The following WWOX variants were observed in gnomAD, a reference collection of about 807,000 sequenced individuals.
The protein encoded by WWOX is WW domain-containing oxidoreductase.
A neutral mutation model predicts 46.2 loss-of-function variants in WWOX; 69 were observed. That is an observed-to-expected ratio of 1.49 (90% confidence interval 1.23 to 1.82). The LOEUF is 1.82. Ranked by LOEUF, WWOX falls within the 40% of genes most tolerant of loss-of-function variation. The pLI is 0.00. For synonymous variants in WWOX, 359 were observed against 202.6 expected, an observed-to-expected ratio of 1.77 and a Z score of -6.56; for missense variants, 919 against 542.6, an observed-to-expected ratio of 1.69 and a Z score of -6.89.
intron 8 of WWOX, among the ~76,000 whole-genome samples, chr16:79,177,452 G>A (rs575856442): frequency 6.6e-6 from 1 of 152,184 alleles, no homozygotes; most frequent in African/African-American, 2.4e-5. Flanking sequence ...AACCTCTTAT[G>A]GTCAGGCTCA....
intron 8 of WWOX, among the ~76,000 whole-genome samples, chr16:78,458,084 G>C (rs1401485004): frequency 2.0e-5 from 3 of 151,588 alleles, no homozygotes; most frequent in Non-Finnish European, 4.4e-5. Context: ...CCTGGGCTTA[G>C]TAAGTTGCCT....
chr16:79,056,808 T>A (rs886542586), intron 8 of WWOX, among the ~76,000 whole-genome samples: 3 of 152,232 alleles, frequency 2.0e-5, no homozygotes. Flanking sequence ...AACTTGATTT[T>A]CTTTAAAGGA....
At chr16:79,160,380 T>G (rs759283081) in intron 8 of WWOX, among the ~76,000 whole-genome samples, 13 of 152,134 alleles carry the variant, frequency 8.5e-5, no homozygotes, top group Non-Finnish European at 1.9e-4. Flanking sequence ...CTCCACCTAC[T>G]GTCACCTGCA....
chr16:78,524,396 ATTTATTTATTTG>A (rs199976319), intron 8 of WWOX, among the ~76,000 whole-genome samples: 12,681 of 145,810 alleles, frequency 0.087, 656 homozygotes, highest in East Asian at 0.19. Context: ...TCATTTATTT[ATTTATTTATTTG>A]TTTATTTATT....
intron 8 of WWOX, among the ~76,000 whole-genome samples, chr16:78,979,222 T>A (rs1308916383): frequency 1.3e-5 from 2 of 152,108 alleles, no homozygotes; most frequent in Non-Finnish European, 2.9e-5. Context: ...TAGAGAACAT[T>A]TGGAAAACAT....
intron 8 of WWOX, among the ~76,000 whole-genome samples, chr16:78,634,414 A>C (rs1326696993): frequency 6.6e-6 from 1 of 152,106 alleles, no homozygotes; most frequent in Non-Finnish European, 1.5e-5. Flanking sequence ...AGCTGTTCAA[A>C]GTTGTAGGGA....
At chr16:78,708,080 C>T (rs1423694839) in intron 8 of WWOX, among the ~76,000 whole-genome samples, 2 of 151,650 alleles carry the variant, frequency 1.3e-5, no homozygotes, top group African/African-American at 4.8e-5. Context: ...AATCCCAGCA[C>T]CTTGGGAGGC....
intron 8 of WWOX, among the ~76,000 whole-genome samples, chr16:78,657,969 C>T (rs981899854): frequency 1.3e-5 from 2 of 152,064 alleles, no homozygotes; most frequent in Non-Finnish European, 2.9e-5. Flanking sequence ...ACTCAGAGGC[C>T]AAGTGACTTT....
intron 8 of WWOX, among the ~76,000 whole-genome samples, chr16:79,151,999 C>A (rs1169560402): frequency 6.6e-6 from 1 of 152,140 alleles, no homozygotes; most frequent in African/African-American, 2.4e-5. Context: ...GAAGGGGGAA[C>A]TAGTTTTCAT....
chr16:78,559,374 G>C (rs1268636136), intron 8 of WWOX, among the ~76,000 whole-genome samples: 2 of 152,202 alleles, frequency 1.3e-5, no homozygotes, highest in Non-Finnish European at 2.9e-5. Flanking sequence ...CAGAGCCAGG[G>C]ATGGATATAG....
At chr16:78,538,613 C>A (rs1285455982) in intron 8 of WWOX, among the ~76,000 whole-genome samples, 2 of 152,190 alleles carry the variant, frequency 1.3e-5, no homozygotes, top group Non-Finnish European at 2.9e-5. Flanking sequence ...TGCAGTTTAT[C>A]ATTATATGCC....
At chr16:78,673,981 T>G (rs116059762) in intron 8 of WWOX, among the ~76,000 whole-genome samples, 62 of 152,240 alleles carry the variant, frequency 4.1e-4, no homozygotes, top group African/African-American at 1.5e-3. Flanking sequence ...AGTACTAGCT[T>G]GGAGAAGTTT....
At chr16:78,143,349 T>G (rs1477955578) in intron 4 of WWOX, among the ~76,000 whole-genome samples, 1 of 152,196 alleles carries the variant, frequency 6.6e-6, no homozygotes, top group African/African-American at 2.4e-5. Flanking sequence ...CTTCACGTCT[T>G]TAGTTCTTGT....
intron 5 of WWOX, among the ~76,000 whole-genome samples, chr16:78,211,799 C>T (rs1408074691): frequency 6.6e-6 from 1 of 152,102 alleles, no homozygotes; most frequent in Non-Finnish European, 1.5e-5. Context: ...GAGAAGAACT[C>T]AAAGAACATG....
At chr16:78,378,336 C>T (rs992976686) in intron 5 of WWOX, among the ~76,000 whole-genome samples, 1 of 152,120 alleles carries the variant, frequency 6.6e-6, no homozygotes, top group African/African-American at 2.4e-5. Flanking sequence ...CATCTTTAGG[C>T]TTGGCAAAGA....
At chr16:79,071,393 C>G (rs1287390025) in intron 8 of WWOX, among the ~76,000 whole-genome samples, 1 of 152,210 alleles carries the variant, frequency 6.6e-6, no homozygotes, top group African/African-American at 2.4e-5. Flanking sequence ...GTGTGAAATA[C>G]AGAAGGGGTT....
chr16:79,144,998 G>C (rs931726668), intron 8 of WWOX, among the ~76,000 whole-genome samples: 2 of 152,136 alleles, frequency 1.3e-5, no homozygotes, highest in African/African-American at 2.4e-5. Context: ...GGGGGTCTTG[G>C]AGTATATCCC....
At chr16:78,618,084 G>C (rs534370057) in intron 8 of WWOX, among the ~76,000 whole-genome samples, 1 of 152,286 alleles carries the variant, frequency 6.6e-6, no homozygotes, top group South Asian at 2.1e-4. Context: ...AAGCCTAAGA[G>C]GCCATGACTG....
At chr16:79,185,609 G>A (rs550370953) in intron 8 of WWOX, among the ~76,000 whole-genome samples, 12 of 152,148 alleles carry the variant, frequency 7.9e-5, no homozygotes, top group African/African-American at 2.2e-4. Context: ...TGTCTTTCAC[G>A]GCTTGGGTTG....
Sources: gnomAD v4.1 joint callset for allele counts (sites outside exome capture counted in the v4.1 genomes callset) on GRCh38, gnomAD v4.1.1 for gene constraint, MANE v1.5 for transcripts, NCBI Gene and HGNC (gene_info 2026-07-23, HGNC 2026-07-21) for gene names.